ADSL: variants seen among roughly 807,000 people sequenced by gnomAD.
The protein encoded by ADSL is adenylosuccinate lyase.
In ADSL, 44 loss-of-function variants were observed where a neutral mutation model predicts 62.1. The observed-to-expected ratio is 0.71, with a 90% CI of 0.56 to 0.91. ADSL has a LOEUF of 0.91. ADSL is among the 40% of genes least tolerant of loss of function. The probability of loss-of-function intolerance (pLI) is 0.00; values close to 1 mark genes in which losing one functional copy is unlikely to be tolerated. For synonymous variants in ADSL, 198 were observed against 220.5 expected (o/e 0.90, Z 0.90); for missense variants, 531 against 627.4 (o/e 0.85, Z 1.64).
chr22:40,347,448 T>C (rs1392041165), intron 1 of ADSL: 2 of 152,270 alleles, frequency 1.3e-5, no homozygotes, highest in East Asian at 3.8e-4. Context: ...CCAGAAGAGT[T>C]GAAGCAAACT....
At chr22:40,357,818 G>A (rs556017306) in intron 4 of ADSL, among the ~76,000 whole-genome samples, 10 of 151,762 alleles carry the variant, frequency 6.6e-5, no homozygotes, top group Admixed American at 2.0e-4. Context: ...TGGCTGTGTC[G>A]CCCAGTGCGG....
At chr22:40,369,577 C>T (rs2045134133), downstream of ADSL, among the ~76,000 whole-genome samples, 1 of 151,676 alleles carries the variant, frequency 6.6e-6, no homozygotes, top group Admixed American at 6.6e-5. Flanking sequence ...GACCACAGTT[C>T]ACTGCAGCCT....
At chr22:40,361,752 G>C (rs2044798259) in intron 9 of ADSL, 117 bp downstream of exon 9, 1 of 1,384,080 alleles carries the variant, frequency 7.2e-7, no homozygotes, top group Non-Finnish European at 1.0e-6. Context: ...AAGGATCCCA[G>C]AGTCTAGCAG....
intron 2 of ADSL, among the ~76,000 whole-genome samples, chr22:40,381,907 C>T (rs2047638033): frequency 6.6e-6 from 1 of 152,162 alleles, no homozygotes; most frequent in East Asian, 1.9e-4. Context: ...TGCAGTGAGC[C>T]AAGATTCGCG....
intron 3 of ADSL, chr22:40,353,828 G>C: frequency 3.5e-6 from 1 of 288,778 alleles, no homozygotes; most frequent in Non-Finnish European, 6.7e-6. Flanking sequence ...GGGTTTCACC[G>C]TGTTAGCCAG....
chr22:40,372,019 T>C (rs2146707935), downstream of ADSL, among the ~76,000 whole-genome samples: 1 of 151,680 alleles, frequency 6.6e-6, no homozygotes, highest in African/African-American at 2.4e-5. Flanking sequence ...TGTAATTCTA[T>C]AGATATCTTT....
chr22:40,347,025 C>T (rs1308970128), intron 1 of ADSL, among the ~76,000 whole-genome samples: 1 of 152,242 alleles, frequency 6.6e-6, no homozygotes, highest in Non-Finnish European at 1.5e-5. Flanking sequence ...ACCACAGACA[C>T]CGAGCGCTTG....
At chr22:40,353,295 C>T in intron 3 of ADSL, 178 bp downstream of exon 3, 1 of 707,996 alleles carries the variant, frequency 1.4e-6, no homozygotes, top group Non-Finnish European at 2.6e-6. Context: ...CTTTCTTCTT[C>T]TCTTCCTCCT....
intron 2 of ADSL, among the ~76,000 whole-genome samples, chr22:40,375,167 A>G (rs1479965727): frequency 6.6e-6 from 1 of 152,170 alleles, no homozygotes; most frequent in Non-Finnish European, 1.5e-5. Context: ...TGCTTTTTCT[A>G]AGTGTGATAC....
At chr22:40,363,100 A>C in intron 10 of ADSL, 29 bp downstream of exon 10, 1 of 1,595,502 alleles carries the variant, frequency 6.3e-7, no homozygotes, top group Non-Finnish European at 8.6e-7. Context: ...AAAGTAAAGT[A>C]CTAGGGAGGG....
intron 2 of ADSL, chr22:40,379,338 T>G (rs1056678079): frequency 1.3e-5 from 2 of 152,508 alleles, no homozygotes; most frequent in Non-Finnish European, 2.9e-5. Flanking sequence ...TAGCTCATGC[T>G]GTCCACTTCG....
chr22:40,353,533 C>A, intron 3 of ADSL: 1 of 604,154 alleles, frequency 1.7e-6, no homozygotes. Context: ...ATCCACCCGT[C>A]TTGGCCTTTC....
intron 12 of ADSL, 145 bp downstream of exon 12, chr22:40,365,201 GGTTTTGTTTCT>G (rs1465686812): frequency 1.1e-6 from 1 of 922,898 alleles, no homozygotes; most frequent in Non-Finnish European, 1.7e-6. Context: ...TAGATATTTC[GGTTTTGTTTCT>G]GTTTTGTTTT....
intron 2 of ADSL, among the ~76,000 whole-genome samples, chr22:40,377,002 C>A (rs2046741407): frequency 6.6e-6 from 1 of 152,206 alleles, no homozygotes; most frequent in Admixed American, 6.5e-5. Flanking sequence ...CATTTGGTCA[C>A]TTTCCCAGTC....
chr22:40,349,977 C>G lies in ADSL; in HGVS notation c.299C>G (p.Pro100Arg). ...AHVHTFGHCC[P>R]KAAGIIHLGA... is the part of the protein sequence containing the mutation. Reference sequence around the variant, plus strand: ...GTGCACACATTTGGCCACTGCTGTCCAAAAGCTGCAGGCATTATTCACCTT... The same window carrying G: ...GTGCACACATTTGGCCACTGCTGTCGAAAAGCTGCAGGCATTATTCACCTT... Residue 100 changes from proline (P) to arginine (R), a missense_variant, in exon 2 of 13, where the codon CCA becomes CGA. Transcript: ENST00000623063. 6.2e-7 allele frequency: 1 copy of G among 1,614,038 alleles called. No individual in the cohort carries two copies. Among genetic ancestry groups the G allele is most frequent in the Non-Finnish European group, 8.5e-7 (1 of 1,179,984 alleles).
chr22:40,354,151 C>A, intron 3 of ADSL, 97 bp from the exon 4 acceptor site: 2 of 1,095,558 alleles, frequency 1.8e-6, no homozygotes, highest in South Asian at 1.2e-5. Flanking sequence ...AGTTAGCGGT[C>A]TAATTTTATA....
At chr22:40,375,432 T>C (rs1366711873) in intron 2 of ADSL, among the ~76,000 whole-genome samples, 1 of 151,710 alleles carries the variant, frequency 6.6e-6, no homozygotes, top group African/African-American at 2.4e-5. Context: ...ATACAAAAAT[T>C]AGCTGGGTGT....
In ADSL at chr22:40,360,498, T is replaced by C. The variant is rs768892416; in HGVS notation, c.792+6T>C. 126 of 1,611,780 alleles carry C rather than the reference T, an allele frequency of 7.8e-5. No individual in the cohort carries two copies. The highest frequency in any genetic ancestry group is 1.0e-4 in the Non-Finnish European group (121 of 1,178,076). Reference sequence around the variant, plus strand: ...TGGGGGCATCAGTGCACAAGGTGAGTGGTGGCAGCATGTGGGGTGGGGACA... The same window carrying C: ...TGGGGGCATCAGTGCACAAGGTGAGCGGTGGCAGCATGTGGGGTGGGGACA... On this transcript the variant is annotated splice_donor_region_variant and intron_variant, in intron 7 of 12. Coordinates refer to ENST00000623063, the MANE Select transcript of ADSL (RefSeq NM_000026.4).
chr22:40,377,214 C>CATGG (rs1312254908), intron 2 of ADSL, among the ~76,000 whole-genome samples: 2 of 152,230 alleles, frequency 1.3e-5, no homozygotes, highest in African/African-American at 4.8e-5. Context: ...GTGGTAGGCA[C>CATGG]ATGGCCCAGG....
Sources: gnomAD v4.1 joint callset for allele counts (sites outside exome capture counted in the v4.1 genomes callset) on GRCh38, gnomAD v4.1.1 for gene constraint, MANE v1.5 for transcripts, NCBI Gene and HGNC (gene_info 2026-07-23, HGNC 2026-07-21) for gene names.